Variants in KIAA1549L observed in about 807,000 individuals in gnomAD.
KIAA1549L encodes the protein UPF0606 protein KIAA1549L.
Under a neutral mutation model 160.7 loss-of-function variants are expected in KIAA1549L, and 88 were observed. The observed-to-expected ratio is 0.55, with a 90% CI of 0.46 to 0.65. The LOEUF is 0.65. KIAA1549L is among the 30% of genes least tolerant of loss of function. KIAA1549L has a pLI of 0.00. For missense variants in KIAA1549L, 2,258 were observed against 2,437.5 expected, an observed-to-expected ratio of 0.93 and a Z score of 1.55; for synonymous variants, 950 against 976.7, an observed-to-expected ratio of 0.97 and a Z score of 0.51.
At chr11:33,649,229 C>A (rs1851810458) in intron 17 of KIAA1549L, among the ~76,000 whole-genome samples, 1 of 151,568 alleles carries the variant, frequency 6.6e-6, no homozygotes, top group Non-Finnish European at 1.5e-5. Flanking sequence ...GAAGCTTACC[C>A]AAGGCTGGGC....
intron 16 of KIAA1549L, among the ~76,000 whole-genome samples, chr11:33,641,582 ATATATATATATATATATAT>A (rs1851582815): frequency 9.5e-3 from 20 of 2,100 alleles, no homozygotes; most frequent in Non-Finnish European, 2.3e-3. Context: ...GTATATATAT[ATATATATATATATATATAT>A]ATATATATAT....
At chr11:33,444,526 G>A (rs978578109) in intron 1 of KIAA1549L, among the ~76,000 whole-genome samples, 1 of 152,216 alleles carries the variant, frequency 6.6e-6, no homozygotes, top group Non-Finnish European at 1.5e-5. Context: ...AGATCTGGGG[G>A]AAGATGGGAG....
At chr11:33,578,246 G>C (rs192649103) in intron 10 of KIAA1549L, among the ~76,000 whole-genome samples, 104 of 152,276 alleles carry the variant, frequency 6.8e-4, no homozygotes, top group Non-Finnish European at 1.2e-3. Context: ...GCTTTTCGGA[G>C]TGAGAGTCTG....
intron 16 of KIAA1549L, among the ~76,000 whole-genome samples, chr11:33,642,560 T>C (rs762218039): frequency 1.3e-5 from 2 of 149,056 alleles, no homozygotes; most frequent in African/African-American, 5.0e-5. Flanking sequence ...CTAATTCCGA[T>C]TGGCTGATTT....
intron 1 of KIAA1549L, among the ~76,000 whole-genome samples, chr11:33,423,701 T>C (rs1432999424): frequency 6.6e-6 from 1 of 152,178 alleles, no homozygotes; most frequent in Non-Finnish European, 1.5e-5. Flanking sequence ...TTTATACAAG[T>C]GAGATCCAGA....
chr11:33,533,081 T>C (rs572552064), intron 1 of KIAA1549L, among the ~76,000 whole-genome samples: 10 of 152,286 alleles, frequency 6.6e-5, no homozygotes, highest in South Asian at 2.1e-4. Context: ...GGGACTGATA[T>C]AGCCCTAGGC....
intron 20 of KIAA1549L, among the ~76,000 whole-genome samples, chr11:33,663,161 A>G (rs1852323785): frequency 1.3e-5 from 2 of 152,210 alleles, no homozygotes; most frequent in African/African-American, 2.4e-5. Flanking sequence ...TATGTGAGAA[A>G]GCAAAGTCCC....
chr11:33,556,136 A>G (rs2133208115), intron 6 of KIAA1549L, among the ~76,000 whole-genome samples: 1 of 152,346 alleles, frequency 6.6e-6, no homozygotes, highest in Admixed American at 6.5e-5. Context: ...TAGGATGGCT[A>G]TTCTCAAAAA....
At chr11:33,507,499 C>T (rs1040332512) in intron 1 of KIAA1549L, among the ~76,000 whole-genome samples, 7 of 152,082 alleles carry the variant, frequency 4.6e-5, no homozygotes, top group South Asian at 2.1e-4. Flanking sequence ...ATGTTGATGA[C>T]GACAATGGAA....
rs962483053 is a variant in KIAA1549L at position 33,671,695 on chromosome 11, AT to A, written c.*3543del. 3 of 152,168 alleles carry A rather than the reference AT, an allele frequency of 2.0e-5. No individual in the cohort carries two copies. Among genetic ancestry groups the A allele is most frequent in the Non-Finnish European group, 4.4e-5 (3 of 68,044 alleles). 9.4% of individuals were successfully genotyped at this position (152,168 alleles called of 1,614,324 possible). On this transcript the variant is annotated 3_prime_UTR_variant, in exon 21 of 21. Coordinates refer to ENST00000658780, the MANE Select transcript of KIAA1549L (RefSeq NM_012194.3). ...GAGATGCTTTTTCTAACAGGCAGAA[AT>A]TAGAGAAATGGATCAAAAGATTTAA...
intron 1 of KIAA1549L, among the ~76,000 whole-genome samples, chr11:33,476,571 G>A (rs1028488013): frequency 5.3e-5 from 8 of 152,114 alleles, no homozygotes; most frequent in Non-Finnish European, 7.4e-5. Flanking sequence ...TAGCCTACTG[G>A]CACCTACCTG....
chr11:33,611,291 A>G (rs951647098), intron 15 of KIAA1549L, among the ~76,000 whole-genome samples: 2 of 138,952 alleles, frequency 1.4e-5, no homozygotes, highest in African/African-American at 5.1e-5. Context: ...TGACAGACAC[A>G]TTCTCCACAG....
At chr11:33,637,276 A>G (rs1674662391) in intron 16 of KIAA1549L, among the ~76,000 whole-genome samples, 1 of 152,156 alleles carries the variant, frequency 6.6e-6, no homozygotes, top group African/African-American at 2.4e-5. Flanking sequence ...GTCCATGACC[A>G]CCCTAATCCA....
chr11:33,569,415 A>ACC (rs1403838879), intron 9 of KIAA1549L, among the ~76,000 whole-genome samples: 4 of 152,128 alleles, frequency 2.6e-5, no homozygotes, highest in Admixed American at 6.5e-5. Context: ...TGAGCAGACT[A>ACC]CCCCTGGCAT....
intron 1 of KIAA1549L, among the ~76,000 whole-genome samples, chr11:33,465,143 C>A (rs776277723): frequency 4.2e-4 from 63 of 150,632 alleles, no homozygotes; most frequent in Non-Finnish European, 8.1e-4. Context: ...GCAACCTCCG[C>A]CTCCCAGGCT....
At chr11:33,452,403 C>T (rs1212622823) in intron 1 of KIAA1549L, among the ~76,000 whole-genome samples, 14 of 152,104 alleles carry the variant, frequency 9.2e-5, no homozygotes, top group Admixed American at 5.2e-4. Flanking sequence ...GTCAGGAGAT[C>T]GAGACCATCC....
chr11:33,599,532 A>T (rs546092847), intron 13 of KIAA1549L: 1 of 152,054 alleles, frequency 6.6e-6, no homozygotes, highest in South Asian at 2.1e-4. Context: ...AAAAAAAGTT[A>T]TATGCTTCTG....
At chr11:33,383,146 C>T (rs183731662) in intron 1 of KIAA1549L, among the ~76,000 whole-genome samples, 5 of 152,192 alleles carry the variant, frequency 3.3e-5, no homozygotes, top group Admixed American at 3.3e-4. Context: ...CAGAGAATCT[C>T]TCAGAAGCTT....
At chr11:33,587,977 G>C (rs1849930843) in intron 11 of KIAA1549L, among the ~76,000 whole-genome samples, 1 of 152,164 alleles carries the variant, frequency 6.6e-6, no homozygotes, top group Non-Finnish European at 1.5e-5. Flanking sequence ...ATCAAATCGT[G>C]GTTAGATGTT....
Sources: gnomAD v4.1 joint callset for allele counts (sites outside exome capture counted in the v4.1 genomes callset) on GRCh38, gnomAD v4.1.1 for gene constraint, MANE v1.5 for transcripts, NCBI Gene and HGNC (gene_info 2026-07-23, HGNC 2026-07-21) for gene names.